Variants in AGPS observed in about 807,000 individuals in gnomAD.
The protein encoded by AGPS is alkyldihydroxyacetonephosphate synthase, peroxisomal.
A neutral mutation model predicts 90.7 loss-of-function variants in AGPS; 26 were observed. The ratio of observed to expected loss-of-function variants is 0.29; its 90% CI spans 0.21 to 0.40. The LOEUF is 0.40. AGPS is among the 10% of genes least tolerant of loss of function. AGPS has a pLI of 1.00. For synonymous variants in AGPS, 294 were observed against 285.3 expected, an observed-to-expected ratio of 1.03 and a Z score of -0.31; for missense variants, 540 against 816.1, an observed-to-expected ratio of 0.66 and a Z score of 4.12.
intron 8 of AGPS, among the ~76,000 whole-genome samples, chr2:177,453,563 G>A (rs1254559904): frequency 6.6e-6 from 1 of 151,474 alleles, no homozygotes; most frequent in African/African-American, 2.4e-5. Flanking sequence ...AGCCACCACA[G>A]CCAGCCTAGG....
intron 6 of AGPS, chr2:177,441,329 A>G (rs1686594753): frequency 9.6e-6 from 3 of 311,452 alleles, no homozygotes; most frequent in Non-Finnish European, 1.8e-5. Flanking sequence ...TTTAACCTGT[A>G]TATTTATGGA....
intron 1 of AGPS, among the ~76,000 whole-genome samples, chr2:177,399,252 T>A (rs1056169036): frequency 6.6e-6 from 1 of 152,240 alleles, no homozygotes; most frequent in African/African-American, 2.4e-5. Context: ...TATTTCCTTA[T>A]TATTGAGAAG....
intron 18 of AGPS, 71 bp downstream of exon 18, chr2:177,521,439 T>C: frequency 7.7e-7 from 1 of 1,293,080 alleles, no homozygotes; most frequent in Non-Finnish European, 1.1e-6. Context: ...TGTCAATTTA[T>C]GAATTTTAAG....
intron 1 of AGPS, among the ~76,000 whole-genome samples, chr2:177,400,381 G>C (rs1201647930): frequency 6.6e-6 from 1 of 151,984 alleles, no homozygotes; most frequent in Admixed American, 6.6e-5. Context: ...ATTCTCTTAA[G>C]TTTTGTAAAT....
intron 5 of AGPS, among the ~76,000 whole-genome samples, chr2:177,440,053 AATC>A (rs1686552533): frequency 6.6e-6 from 1 of 152,146 alleles, no homozygotes; most frequent in South Asian, 2.1e-4. Flanking sequence ...TTAAACAATA[AATC>A]ATCAATGGTG....
chr2:177,409,747 G>C (rs1450615564), intron 1 of AGPS, among the ~76,000 whole-genome samples: 1 of 152,146 alleles, frequency 6.6e-6, no homozygotes, highest in African/African-American at 2.4e-5. Flanking sequence ...GGCCGGTCTA[G>C]GGGTCCGCAG....
At chr2:177,411,513 G>A (rs1685619361) in intron 1 of AGPS, among the ~76,000 whole-genome samples, 1 of 152,142 alleles carries the variant, frequency 6.6e-6, no homozygotes, top group Admixed American at 6.5e-5. Context: ...GTGGGGAATT[G>A]TTCTTTCCTC....
In AGPS at chr2:177,398,027, G is replaced by A. The variant is rs115007070; in HGVS notation, c.260+4978G>A. Among the ~76,000 whole-genome samples, 1,211 of 152,192 alleles carry A rather than the reference G, an allele frequency of 8.0e-3. 15 individuals are homozygous for A. Among genetic ancestry groups the A allele is most frequent in the African/African-American group, 0.027 (1,127 of 41,502 alleles). Reference sequence around the variant, plus strand: ...AGGCTGGACGACAGGGCGAGACTGTGTCTCAAAAAACAAAACAAAACAAAA... The same window carrying A: ...AGGCTGGACGACAGGGCGAGACTGTATCTCAAAAAACAAAACAAAACAAAA... On this transcript the variant is annotated intron_variant, in intron 1 of 19. Transcript: ENST00000264167.
At chr2:177,423,613 A>G (rs1288904030) in intron 2 of AGPS, among the ~76,000 whole-genome samples, 1 of 152,228 alleles carries the variant, frequency 6.6e-6, no homozygotes, top group Non-Finnish European at 1.5e-5. Flanking sequence ...TTCTGATCCA[A>G]AGAACATTGA....
At chr2:177,409,401 T>C (rs1685556500) in intron 1 of AGPS, among the ~76,000 whole-genome samples, 1 of 152,040 alleles carries the variant, frequency 6.6e-6, no homozygotes, top group Non-Finnish European at 1.5e-5. Flanking sequence ...TTTTTTTTTT[T>C]TTTACCTCCT....
At position 177,427,195 on chromosome 2, in the gene AGPS, CAGT is replaced by C. The variant is rs535547472; in HGVS notation, c.350+6838_350+6840del. On this transcript the variant is annotated intron_variant, in intron 2 of 19. Transcript: ENST00000264167. ...ATGATTGTTTGTATTTCTGTAGTGT[CAGT>C]GGTGGTATCCCCCTTATCATTTTTG... 4.5e-3 allele frequency among the ~76,000 whole-genome samples: 680 copies of C among 152,258 alleles called. 2 individuals are homozygous for C. Among genetic ancestry groups the C allele is most frequent in the Non-Finnish European group, 7.5e-3 (512 of 68,000 alleles).
intron 19 of AGPS, among the ~76,000 whole-genome samples, chr2:177,526,235 T>G (rs1442097176): frequency 2.0e-5 from 3 of 149,882 alleles, no homozygotes; most frequent in Non-Finnish European, 4.5e-5. Flanking sequence ...GTCTTTTTTT[T>G]TTTTTTTTTT....
intron 7 of AGPS, among the ~76,000 whole-genome samples, chr2:177,443,039 T>C (rs758615303): frequency 6.6e-6 from 1 of 152,152 alleles, no homozygotes; most frequent in Non-Finnish European, 1.5e-5. Flanking sequence ...GAAGTCGTTA[T>C]TAACATTTTG....
intron 17 of AGPS, 101 bp downstream of exon 17, chr2:177,514,009 C>A: frequency 1.1e-6 from 1 of 891,886 alleles, no homozygotes; most frequent in Non-Finnish European, 1.8e-6. Flanking sequence ...AAGCTTCAGT[C>A]TATTACATTT....
At chr2:177,442,284 G>A in intron 6 of AGPS, 123 bp from the exon 7 acceptor site, 2 of 778,992 alleles carry the variant, frequency 2.6e-6, no homozygotes, top group African/African-American at 1.7e-5. Flanking sequence ...ATTTTGCAAA[G>A]TATTAATAGG....
intron 11 of AGPS, among the ~76,000 whole-genome samples, chr2:177,485,165 G>A (rs1202726039): frequency 6.6e-6 from 1 of 152,140 alleles, no homozygotes; most frequent in Non-Finnish European, 1.5e-5. Flanking sequence ...TGTTCAGTCT[G>A]TATTGACCAA....
chr2:177,505,469 A>G, intron 14 of AGPS, 37 bp from the exon 15 acceptor site: 3 of 1,558,660 alleles, frequency 1.9e-6, no homozygotes, highest in Non-Finnish European at 2.7e-6. Flanking sequence ...TGAGATTAAG[A>G]TAAAAAATTT....
At position 177,455,060 on chromosome 2, in the gene AGPS, ATTC is replaced by A. The variant is rs894186778; in HGVS notation, c.871-6824_871-6822del. Among the ~76,000 whole-genome samples, 12 of 151,978 alleles carry A rather than the reference ATTC, an allele frequency of 7.9e-5. 1 individual carries two copies. Among genetic ancestry groups the A allele is most frequent in the Middle Eastern group, 3.4e-3 (1 of 294 alleles). On this transcript the variant is annotated intron_variant, in intron 8 of 19. Coordinates refer to ENST00000264167, the MANE Select transcript of AGPS (RefSeq NM_003659.4). ...TGTATTTTATGGGTGGCCCAAGACA[ATTC>A]TTCTTCTTTCAGCGTGGCCCAGGGA...
At chr2:177,474,198 C>G (rs1687710206) in intron 10 of AGPS, among the ~76,000 whole-genome samples, 2 of 152,170 alleles carry the variant, frequency 1.3e-5, no homozygotes, top group Admixed American at 6.5e-5. Context: ...AATTTGCCTC[C>G]TATCCCTGTC....
Sources: allele counts gnomAD v4.1 joint callset (sites outside exome capture counted in the v4.1 genomes callset), GRCh38; gene constraint gnomAD v4.1.1; transcripts MANE v1.5; gene names NCBI Gene and HGNC (gene_info 2026-07-23, HGNC 2026-07-21).